The following TMEM272 variants were observed in gnomAD, a reference collection of about 807,000 sequenced individuals.
TMEM272 encodes transmembrane protein 272, also known as long intergenic non-protein coding RNA 282.
Under a neutral mutation model 3.7 loss-of-function variants are expected in TMEM272, and 8 were observed. The ratio of observed to expected loss-of-function variants is 2.17; its 90% CI spans 1.27 to 3.91. TMEM272 has a LOEUF of 3.91. Among genes scored for constraint, TMEM272 ranks in the 30% most tolerant of loss-of-function variants. The pLI, the probability that TMEM272 is intolerant of heterozygous loss-of-function variation, is 0.00. For missense variants in TMEM272, 166 were observed against 91.5 expected, an observed-to-expected ratio of 1.81 and a Z score of -3.32; for synonymous variants, 63 against 39.8, an observed-to-expected ratio of 1.58 and a Z score of -2.20.
chr13:51,863,603 C>G, the TMEM272 span, among the ~76,000 whole-genome samples: 1 of 151,718 alleles, frequency 6.6e-6, no homozygotes, highest in Non-Finnish European at 1.5e-5. Context: ...GTTTGTGTGA[C>G]TGGATGGATG....
At chr13:51,924,410 CCT>C in the TMEM272 span, among the ~76,000 whole-genome samples, 1 of 152,044 alleles carries the variant, frequency 6.6e-6, no homozygotes, top group Non-Finnish European at 1.5e-5. Flanking sequence ...CAAACAAAAA[CCT>C]CTTTTCCTCT....
At chr13:51,869,697 C>G in the TMEM272 span, among the ~76,000 whole-genome samples, 21 of 152,010 alleles carry the variant, frequency 1.4e-4, no homozygotes, top group African/African-American at 4.8e-4. Context: ...GCCATGTTGT[C>G]CAGGCTGGTC....
At chr13:51,848,847 T>C (rs113436072), upstream of TMEM272, among the ~76,000 whole-genome samples, 3 of 152,192 alleles carry the variant, frequency 2.0e-5, no homozygotes, top group Non-Finnish European at 4.4e-5. Context: ...TCTTCGTCTT[T>C]GCTTGTGTGT....
At chr13:51,894,564 C>T in the TMEM272 span, among the ~76,000 whole-genome samples, 10 of 152,154 alleles carry the variant, frequency 6.6e-5, no homozygotes, top group Admixed American at 2.6e-4. Context: ...CTGAAAATTA[C>T]AGCTGCAGGG....
At chr13:51,844,408 T>C (rs1956287988) in intron 1 of TMEM272, among the ~76,000 whole-genome samples, 1 of 152,218 alleles carries the variant, frequency 6.6e-6, no homozygotes, top group South Asian at 2.1e-4. Context: ...TTAACTAGTA[T>C]TGTTGAATAT....
intron 2 of TMEM272, among the ~76,000 whole-genome samples, chr13:51,835,706 C>G (rs1349864408): frequency 2.0e-5 from 3 of 152,164 alleles, no homozygotes; most frequent in Admixed American, 2.0e-4. Flanking sequence ...TTTTCCCAGC[C>G]TAAATTCTAA....
At chr13:51,876,695 T>C in the TMEM272 span, among the ~76,000 whole-genome samples, 3 of 152,166 alleles carry the variant, frequency 2.0e-5, no homozygotes, top group Non-Finnish European at 4.4e-5. Context: ...AAATCAATTT[T>C]TGGTGTGTAA....
At chr13:51,870,595 A>T in the TMEM272 span, among the ~76,000 whole-genome samples, 2 of 152,232 alleles carry the variant, frequency 1.3e-5, no homozygotes, top group African/African-American at 2.4e-5. Context: ...GAACAAAAAG[A>T]ATCAGAAAGA....
chr13:51,873,788 C>T, the TMEM272 span, among the ~76,000 whole-genome samples: 2 of 152,204 alleles, frequency 1.3e-5, no homozygotes, highest in African/African-American at 4.8e-5. Context: ...CCCTCTTCTA[C>T]CTGTACTTCC....
chr13:51,854,113 G>A, the TMEM272 span, among the ~76,000 whole-genome samples: 2 of 152,204 alleles, frequency 1.3e-5, no homozygotes, highest in Non-Finnish European at 2.9e-5. Flanking sequence ...TACAAAGTGT[G>A]TGGCAGGGGG....
rs543962371 is a variant in TMEM272 at position 51,833,456 on chromosome 13, C to T, written c.58+5017G>A. Among the ~76,000 whole-genome samples, 7 of 152,178 alleles carry T rather than the reference C, an allele frequency of 4.6e-5. 1 individual carries two copies. The South Asian group carries it at 8.3e-4, about 18-fold the overall frequency. On this transcript the variant is annotated intron_variant, in intron 2 of 4. Coordinates refer to ENST00000629372, the MANE Select transcript of TMEM272 (RefSeq NM_001351003.2). Reference sequence around the variant, plus strand: ...GTGGCTCTCGGAGTGAAGAGACCAGCGAAGTGGCTGTTTCATAACTCAGCC... The same window carrying T: ...GTGGCTCTCGGAGTGAAGAGACCAGTGAAGTGGCTGTTTCATAACTCAGCC...
chr13:51,823,609 G>A (rs1484659423), intron 3 of TMEM272, among the ~76,000 whole-genome samples: 1 of 152,226 alleles, frequency 6.6e-6, no homozygotes, highest in African/African-American at 2.4e-5. Flanking sequence ...GTTAATTTGT[G>A]GCTGTAGCAC....
chr13:51,889,524 G>A, the TMEM272 span, among the ~76,000 whole-genome samples: 1 of 152,286 alleles, frequency 6.6e-6, no homozygotes, highest in South Asian at 2.1e-4. Flanking sequence ...GGCCTCAGGA[G>A]AAACCAGCCC....
At chr13:51,833,051 T>C (rs1355954899) in intron 2 of TMEM272, among the ~76,000 whole-genome samples, 1 of 152,040 alleles carries the variant, frequency 6.6e-6, no homozygotes, top group Non-Finnish European at 1.5e-5. Context: ...GAGGTGATAT[T>C]GGTACTGGGT....
chr13:51,927,956 G>A, the TMEM272 span, among the ~76,000 whole-genome samples: 1 of 152,092 alleles, frequency 6.6e-6, no homozygotes. Context: ...ACTTCCTTGA[G>A]GGGTACAGTC....
At chr13:51,881,162 A>G in the TMEM272 span, among the ~76,000 whole-genome samples, 1 of 152,162 alleles carries the variant, frequency 6.6e-6, no homozygotes, top group Non-Finnish European at 1.5e-5. Flanking sequence ...GGCAGCAGTA[A>G]GCAGGGATTT....
At chr13:51,931,605 C>T in the TMEM272 span, among the ~76,000 whole-genome samples, 2 of 152,042 alleles carry the variant, frequency 1.3e-5, no homozygotes, top group Non-Finnish European at 1.5e-5. Flanking sequence ...AACCTGCATG[C>T]TCTGCACATG....
At chr13:51,854,458 G>A in the TMEM272 span, among the ~76,000 whole-genome samples, 1 of 152,112 alleles carries the variant, frequency 6.6e-6, no homozygotes, top group Non-Finnish European at 1.5e-5. Flanking sequence ...ATCACCTTTT[G>A]CATCTTTCTT....
chr13:51,834,752 G>A (rs1008318369), intron 2 of TMEM272, among the ~76,000 whole-genome samples: 1 of 152,142 alleles, frequency 6.6e-6, no homozygotes, highest in Non-Finnish European at 1.5e-5. Flanking sequence ...GGAGTTGAAG[G>A]GGACTTCCCA....
Sources: allele counts gnomAD v4.1 joint callset (sites outside exome capture counted in the v4.1 genomes callset), GRCh38; gene constraint gnomAD v4.1.1; transcripts MANE v1.5; gene names NCBI Gene and HGNC (gene_info 2026-07-23, HGNC 2026-07-21).